Variants in MINDY4B observed in about 807,000 individuals in gnomAD.
MINDY4B encodes inactive ubiquitin carboxyl-terminal hydrolase MINDY-4B.
A neutral mutation model predicts 16.7 loss-of-function variants in MINDY4B; 25 were observed. That is an observed-to-expected ratio of 1.49 (90% CI 1.09 to 2.09). The LOEUF is 2.09. Ranked by LOEUF, MINDY4B falls within the 30% of genes most tolerant of loss-of-function variation. The probability of loss-of-function intolerance (pLI) is 0.00; values close to 1 mark genes in which losing one functional copy is unlikely to be tolerated. For synonymous variants in MINDY4B, 132 were observed against 61.9 expected, an observed-to-expected ratio of 2.13 and a Z score of -5.32; for missense variants, 327 against 168.4, an observed-to-expected ratio of 1.94 and a Z score of -5.21.
intron 10 of MINDY4B, among the ~76,000 whole-genome samples, chr3:150,879,819 G>T (rs1711506198): frequency 6.6e-6 from 1 of 152,170 alleles, no homozygotes. Context: ...GTGCAGTCAG[G>T]GTTGACATCA....
intron 3 of MINDY4B, among the ~76,000 whole-genome samples, chr3:150,899,407 G>A (rs1183044059): frequency 6.6e-6 from 1 of 152,108 alleles, no homozygotes; most frequent in Admixed American, 6.5e-5. Context: ...CACCACAATG[G>A]CTAATGCAGT....
intron 7 of MINDY4B, among the ~76,000 whole-genome samples, chr3:150,888,705 C>T (rs1439389007): frequency 6.6e-6 from 1 of 152,188 alleles, no homozygotes; most frequent in Non-Finnish European, 1.5e-5. Context: ...ATGTTTAGCT[C>T]TCATGCCAAG....
intron 2 of MINDY4B, among the ~76,000 whole-genome samples, chr3:150,904,704 C>T (rs909471544): frequency 1.3e-5 from 2 of 152,100 alleles, no homozygotes; most frequent in Non-Finnish European, 2.9e-5. Context: ...TGAATAAAGA[C>T]GATAACTATT....
At chr3:150,874,075 G>T (rs994345655) in intron 10 of MINDY4B, among the ~76,000 whole-genome samples, 3 of 142,894 alleles carry the variant, frequency 2.1e-5, no homozygotes, top group Non-Finnish European at 3.0e-5. Context: ...TAATGCAGTG[G>T]TGTGATCTCG....
At chr3:150,880,862 A>AGT (rs1711515986) in intron 10 of MINDY4B, among the ~76,000 whole-genome samples, 1 of 152,230 alleles carries the variant, frequency 6.6e-6, no homozygotes, top group African/African-American at 2.4e-5. Context: ...ACGGACACCA[A>AGT]GTGACCACAC....
intron 10 of MINDY4B, 69 bp downstream of exon 10, chr3:150,882,828 T>C: frequency 1.7e-6 from 1 of 592,940 alleles, no homozygotes; most frequent in East Asian, 3.0e-5. Context: ...ATTGCCTAAA[T>C]AGACAGACTT....
At chr3:150,894,663 G>T (rs1240506433) in intron 3 of MINDY4B, among the ~76,000 whole-genome samples, 1 of 152,134 alleles carries the variant, frequency 6.6e-6, no homozygotes, top group East Asian at 1.9e-4. Flanking sequence ...CATGTTTCCA[G>T]CCTGGTACAG....
At chr3:150,896,834 T>G (rs1241522346) in intron 3 of MINDY4B, among the ~76,000 whole-genome samples, 2 of 151,746 alleles carry the variant, frequency 1.3e-5, no homozygotes, top group South Asian at 2.1e-4. Flanking sequence ...TGGGACACAT[T>G]TTGTAACTTG....
At chr3:150,874,882 T>G (rs935031870) in intron 10 of MINDY4B, among the ~76,000 whole-genome samples, 1 of 152,232 alleles carries the variant, frequency 6.6e-6, no homozygotes, top group African/African-American at 2.4e-5. Flanking sequence ...TGCTTTTGTC[T>G]GTAAGTGTTT....
chr3:150,878,362 A>G (rs1280761268), intron 10 of MINDY4B, among the ~76,000 whole-genome samples: 3 of 152,232 alleles, frequency 2.0e-5, no homozygotes, highest in Admixed American at 6.5e-5. Context: ...TTTCTAACAT[A>G]TTCATACATG....
chr3:150,901,676 A>G (rs1712120143), intron 3 of MINDY4B, among the ~76,000 whole-genome samples: 1 of 151,746 alleles, frequency 6.6e-6, no homozygotes, highest in East Asian at 1.9e-4. Context: ...ATGTGCCACC[A>G]TGCCTGGCTA....
At chr3:150,880,566 C>T (rs918772134) in intron 10 of MINDY4B, among the ~76,000 whole-genome samples, 4 of 152,164 alleles carry the variant, frequency 2.6e-5, no homozygotes, top group Admixed American at 6.5e-5. Context: ...GAAAGAAAAA[C>T]ATTAAGCAAA....
At chr3:150,887,880 G>T (rs1391577446) in intron 7 of MINDY4B, among the ~76,000 whole-genome samples, 1 of 152,112 alleles carries the variant, frequency 6.6e-6, no homozygotes, top group Admixed American at 6.5e-5. Context: ...AGGTTGAGGC[G>T]GGCGGATCAC....
At chr3:150,891,857 G>A (rs17218755) in intron 5 of MINDY4B, among the ~76,000 whole-genome samples, 5,579 of 151,820 alleles carry the variant, frequency 0.037, 122 homozygotes, top group Middle Eastern at 0.082. Flanking sequence ...GAGAAAACAC[G>A]GGAAATAGAG....
intron 10 of MINDY4B, among the ~76,000 whole-genome samples, chr3:150,876,290 A>C (rs558468889): frequency 6.6e-6 from 1 of 152,360 alleles, no homozygotes; most frequent in East Asian, 1.9e-4. Context: ...TCAGAGTGCA[A>C]GAATTGAGTC....
intron 11 of MINDY4B, among the ~76,000 whole-genome samples, chr3:150,872,662 C>T (rs377283053): frequency 1.3e-5 from 2 of 152,354 alleles, no homozygotes; most frequent in South Asian, 2.1e-4. Flanking sequence ...ACCTGTGCCG[C>T]ATTCACCAGT....
Position 150,873,344 on chromosome 3 carries a change from G to C in MINDY4B, c.1083C>G (p.Pro361=). The change falls in exon 11 of 12, where the codon CCC becomes CCG. Residue 361 remains proline, a synonymous_variant. Transcript: ENST00000465419. ...LSQVGSMLKT[P]KLPIWLCNIN... Reference sequence around the variant, plus strand: ...TGTTGCACAGCCAAATAGGTAATTTGGGAGTCTTCAGCATGCTGCCCACCT... The same window carrying C: ...TGTTGCACAGCCAAATAGGTAATTTCGGAGTCTTCAGCATGCTGCCCACCT... 1.4e-6 allele frequency: 1 copy of C among 702,732 alleles called. No individual in the cohort carries two copies. The highest frequency in any genetic ancestry group is 2.3e-4 in the Middle Eastern group (1 of 4,364). 43.5% of individuals were successfully genotyped at this position (702,732 alleles called of 1,614,324 possible).
At chr3:150,897,163 C>G (rs1711993699) in intron 3 of MINDY4B, among the ~76,000 whole-genome samples, 1 of 152,106 alleles carries the variant, frequency 6.6e-6, no homozygotes, top group South Asian at 2.1e-4. Flanking sequence ...ACCCCTTGCT[C>G]CAGCACAGAC....
At chr3:150,901,666 A>G (rs1192844363) in intron 3 of MINDY4B, among the ~76,000 whole-genome samples, 1 of 151,620 alleles carries the variant, frequency 6.6e-6, no homozygotes, top group African/African-American at 2.4e-5. Flanking sequence ...GGACTACAGG[A>G]TGTGCCACCA....
Sources: gnomAD v4.1 joint callset for allele counts (sites outside exome capture counted in the v4.1 genomes callset) on GRCh38, gnomAD v4.1.1 for gene constraint, MANE v1.5 for transcripts, NCBI Gene and HGNC (gene_info 2026-07-23, HGNC 2026-07-21) for gene names.